Variants in CELF4 observed in about 807,000 individuals in gnomAD.
CELF4 encodes CUG-BP- and ETR-3-like factor 4.
In CELF4, 18 loss-of-function variants were observed where a neutral mutation model predicts 59.9. That is an observed-to-expected ratio of 0.30 (90% CI 0.21 to 0.45). The LOEUF (loss-of-function observed/expected upper bound fraction) is 0.45. Among genes scored for constraint, CELF4 ranks in the 20% least tolerant of loss-of-function variants. The pLI, the probability that CELF4 is intolerant of heterozygous loss-of-function variation, is 1.00. For missense variants in CELF4, 456 were observed against 689.0 expected (o/e 0.66, Z 3.79); for synonymous variants, 261 against 267.1 (o/e 0.98, Z 0.22).
chr18:37,464,619 TCAGA>T (rs1557426545), intron 2 of CELF4, among the ~76,000 whole-genome samples: 1 of 152,164 alleles, frequency 6.6e-6, no homozygotes, highest in Non-Finnish European at 1.5e-5. Flanking sequence ...GGTGTGTTTC[TCAGA>T]CAGGCTGGCT....
In CELF4 at chr18:37,422,659, T is replaced by G. The variant is rs533309453; in HGVS notation, c.369+62866A>C. ...GAGTGTGCGCACATGTGTGCATGCATGCATGTGCCAGCACATGCATGAAAG... is the reference window on the plus strand; with the variant it reads ...GAGTGTGCGCACATGTGTGCATGCAGGCATGTGCCAGCACATGCATGAAAG... On this transcript the variant is annotated intron_variant, in intron 2 of 12. Transcript: ENST00000420428. 2.6e-5 allele frequency among the ~76,000 whole-genome samples: 4 copies of G among 152,264 alleles called. No individual in the cohort carries two copies. In the South Asian group the frequency reaches 8.3e-4, roughly 32 times the overall value.
intron 1 of CELF4, among the ~76,000 whole-genome samples, chr18:37,508,343 G>A (rs1482868622): frequency 6.6e-6 from 1 of 152,228 alleles, no homozygotes; most frequent in African/African-American, 2.4e-5. Context: ...AGAGCGTGCA[G>A]AGGCAGGAGG....
intron 1 of CELF4, among the ~76,000 whole-genome samples, chr18:37,559,846 G>A (rs1181425290): frequency 2.0e-5 from 3 of 152,216 alleles, no homozygotes; most frequent in African/African-American, 7.2e-5. Context: ...CTGGAGTGTG[G>A]CAAGATCACT....
At chr18:37,309,054 C>T (rs900579417) in intron 3 of CELF4, among the ~76,000 whole-genome samples, 15 of 152,156 alleles carry the variant, frequency 9.9e-5, no homozygotes. Context: ...CTCTGAGGAC[C>T]CCTACTACCC....
Position 37,485,595 on chromosome 18 carries a change from A to G in CELF4, c.299T>C (p.Leu100Pro). 6.9e-7 allele frequency: 1 copy of G among 1,450,342 alleles called. No homozygotes were observed. Among genetic ancestry groups the G allele is most frequent in the Non-Finnish European group, 9.2e-7 (1 of 1,087,756 alleles). The allele number at this position is 1,450,342 out of a possible 1,614,324, so 89.8% of individuals were successfully genotyped here. Reference protein sequence around the residue: ...FTGMHKGCAFLTYCERESALK... With the variant: ...FTGMHKGCAFPTYCERESALK... ...CGCTGACTCACGCTCGCAGTAGGTGAGGAAGGCGCAGCCTGGGGAGGAAAG... is the reference window on the plus strand; with the variant it reads ...CGCTGACTCACGCTCGCAGTAGGTGGGGAAGGCGCAGCCTGGGGAGGAAAG... The change falls in exon 2 of 13, where the codon CTC (leucine) becomes CCC (proline). Residue 100 changes from leucine to proline, a missense_variant. By Grantham distance (98) the Leu-to-Pro change is moderately conservative (BLOSUM62 -3). This residue lies in a region of CELF4 where 63 missense variants were observed against 110.6 expected (regional missense o/e 0.57). Coordinates refer to ENST00000420428, the MANE Select transcript of CELF4 (RefSeq NM_020180.4).
At chr18:37,269,572 G>A (rs866117151) in intron 8 of CELF4, among the ~76,000 whole-genome samples, 7 of 152,176 alleles carry the variant, frequency 4.6e-5, no homozygotes, top group East Asian at 1.9e-4. Flanking sequence ...CCTGCCTGCC[G>A]TGTGTGCCAA....
intron 2 of CELF4, among the ~76,000 whole-genome samples, chr18:37,338,585 C>T (rs972386310): frequency 4.6e-5 from 7 of 152,220 alleles, no homozygotes; most frequent in Admixed American, 2.0e-4. Flanking sequence ...CCCTCACACC[C>T]CATGTCATGG....
At chr18:37,481,674 T>C (rs927119424) in intron 2 of CELF4, among the ~76,000 whole-genome samples, 7 of 152,224 alleles carry the variant, frequency 4.6e-5, no homozygotes, top group Non-Finnish European at 1.0e-4. Context: ...GCCTCGACTC[T>C]GGGCCGTTTC....
chr18:37,354,722 G>A (rs532533107), intron 2 of CELF4, among the ~76,000 whole-genome samples: 3 of 152,276 alleles, frequency 2.0e-5, no homozygotes, highest in Admixed American at 2.0e-4. Flanking sequence ...CAGGATGGGG[G>A]ACTTCAGGAG....
At chr18:37,443,535 G>A (rs905939617) in intron 2 of CELF4, among the ~76,000 whole-genome samples, 1 of 152,176 alleles carries the variant, frequency 6.6e-6, no homozygotes, top group Non-Finnish European at 1.5e-5. Flanking sequence ...TTCAGCCAGC[G>A]TTTCTCAAAG....
At chr18:37,310,756 G>A (rs890201501) in intron 3 of CELF4, among the ~76,000 whole-genome samples, 1 of 151,916 alleles carries the variant, frequency 6.6e-6, no homozygotes, top group Non-Finnish European at 1.5e-5. Flanking sequence ...CACGTTCAGG[G>A]CTCACTCAGT....
intron 2 of CELF4, among the ~76,000 whole-genome samples, chr18:37,333,744 CCAT>C (rs1476567965): frequency 6.7e-6 from 1 of 148,572 alleles, no homozygotes; most frequent in African/African-American, 2.5e-5. Context: ...ATCCATCCAT[CCAT>C]CCATCCATCC....
chr18:37,557,723 A>T (rs1568305161), intron 1 of CELF4, among the ~76,000 whole-genome samples: 1 of 152,008 alleles, frequency 6.6e-6, no homozygotes, highest in Admixed American at 6.6e-5. Context: ...TTCATTATCA[A>T]TTTTTTTCCT....
At chr18:37,274,058 G>A (rs935523457) in intron 6 of CELF4, 13 of 1,328,374 alleles carry the variant, frequency 9.8e-6, no homozygotes, top group Non-Finnish European at 1.1e-5. Flanking sequence ...TTTCTGTGGG[G>A]CCTCTCTCAG....
At chr18:37,266,845 C>T (rs751526125) in intron 8 of CELF4, among the ~76,000 whole-genome samples, 9 of 152,046 alleles carry the variant, frequency 5.9e-5, no homozygotes, top group South Asian at 4.1e-4. Context: ...TGCAGTTGGC[C>T]TAGGGCTGGG....
In CELF4 at chr18:37,503,189, C is replaced by T. The variant is rs189031234; in HGVS notation, c.287-17582G>A. Among the ~76,000 whole-genome samples, 24 of 152,386 alleles carry T rather than the reference C, an allele frequency of 1.6e-4. No homozygotes were observed. In the East Asian group the frequency reaches 4.6e-3, roughly 29 times the overall value. On this transcript the variant is annotated intron_variant, in intron 1 of 12. Transcript: ENST00000420428. ...GATACTGCGCTTTCTCTCCCCTGGCCTCCCCTGGGATGGTTCTGGGGCAGT... is the reference window on the plus strand; with the variant it reads ...GATACTGCGCTTTCTCTCCCCTGGCTTCCCCTGGGATGGTTCTGGGGCAGT...
At chr18:37,453,316 G>A (rs1424776517) in intron 2 of CELF4, among the ~76,000 whole-genome samples, 2 of 152,172 alleles carry the variant, frequency 1.3e-5, no homozygotes, top group East Asian at 1.9e-4. Flanking sequence ...AGGAAAAACA[G>A]CTTGTGTTTG....
chr18:37,345,509 G>A, intron 2 of CELF4, among the ~76,000 whole-genome samples: 1 of 152,144 alleles, frequency 6.6e-6, no homozygotes, highest in Non-Finnish European at 1.5e-5. Context: ...AGAGACCTCG[G>A]TTGCAGCAAC....
At chr18:37,260,999 C>T (rs1244114988) in intron 10 of CELF4, among the ~76,000 whole-genome samples, 1 of 152,146 alleles carries the variant, frequency 6.6e-6, no homozygotes, top group Non-Finnish European at 1.5e-5. Flanking sequence ...CTGTCCCCTC[C>T]AACCATGCTG....
Sources: allele counts gnomAD v4.1 joint callset (sites outside exome capture counted in the v4.1 genomes callset), GRCh38; gene constraint gnomAD v4.1.1; regional missense constraint gnomAD v4.1.1; transcripts MANE v1.5; gene names NCBI Gene and HGNC (gene_info 2026-07-23, HGNC 2026-07-21).